The following ABCB10 variants were observed in gnomAD, a reference collection of about 807,000 sequenced individuals.
The protein encoded by ABCB10 is ATP binding cassette subfamily B member 10, also known as ATP-binding cassette sub-family B member 10, mitochondrial.
A neutral mutation model predicts 65.4 loss-of-function variants in ABCB10; 54 were observed. The ratio of observed to expected loss-of-function variants is 0.83; its 90% CI spans 0.66 to 1.04. ABCB10 has a LOEUF of 1.04. Among genes scored for constraint, ABCB10 ranks in the 50% least tolerant of loss-of-function variants. The pLI, the probability that ABCB10 is intolerant of heterozygous loss-of-function variation, is 0.00. For synonymous variants in ABCB10, 418 were observed against 406.5 expected, an observed-to-expected ratio of 1.03 and a Z score of -0.34; for missense variants, 846 against 976.6, an observed-to-expected ratio of 0.87 and a Z score of 1.78.
intron 10 of ABCB10, among the ~76,000 whole-genome samples, chr1:229,523,962 CT>C (rs2102683629): frequency 6.6e-6 from 1 of 151,952 alleles, no homozygotes; most frequent in Non-Finnish European, 1.5e-5. Context: ...TCAAAGACGC[CT>C]TTTCATCTAC....
Position 229,526,071 on chromosome 1 carries a change from C to T in ABCB10, c.1771G>A (p.Gly591Ser), listed in dbSNP as rs749910327. The change falls in exon 10 of 13, where the codon GGT (glycine) becomes AGT (serine). Residue 591 changes from glycine (G) to serine (S), a missense_variant. Gly to Ser is a moderately conservative substitution (Grantham distance 56). Transcript: ENST00000344517. Reference sequence around the variant, plus strand: ...GTCACAGAGGAAGGGTCATCAGCACCATAAGCAATGTTCTCAGCAATAGAG... The same window carrying T: ...GTCACAGAGGAAGGGTCATCAGCACTATAAGCAATGTTCTCAGCAATAGAG... The part of the protein sequence containing the change: ...SCSIAENIAY[G>S]ADDPSSVTAE... 2 of 1,614,190 alleles carry T rather than the reference C, an allele frequency of 1.2e-6. No homozygotes were observed. Among genetic ancestry groups the T allele is most frequent in the South Asian group, 2.2e-5 (2 of 91,072 alleles).
chr1:229,547,734 G>A (rs953110811), intron 2 of ABCB10, 33 bp from the exon 3 acceptor site: 4 of 1,609,456 alleles, frequency 2.5e-6, no homozygotes, highest in Non-Finnish European at 3.4e-6. Context: ...GCTCACCAAG[G>A]GTAAAGACAT....
At chr1:229,553,214 G>A (rs559787492) in intron 1 of ABCB10, among the ~76,000 whole-genome samples, 48 of 152,136 alleles carry the variant, frequency 3.2e-4, no homozygotes, top group African/African-American at 1.1e-3. Context: ...AGGTTCAAGC[G>A]ATTCTCCCGC....
At chr1:229,548,772 C>T (rs1663029062) in intron 2 of ABCB10, among the ~76,000 whole-genome samples, 1 of 151,600 alleles carries the variant, frequency 6.6e-6, no homozygotes, top group East Asian at 1.9e-4. Context: ...AAGCGATTCT[C>T]CTGCCTCAGC....
intron 3 of ABCB10, 72 bp downstream of exon 3, chr1:229,547,427 T>C (rs1662995459): frequency 2.6e-6 from 4 of 1,559,222 alleles, no homozygotes; most frequent in Non-Finnish European, 3.5e-6. Context: ...CTTGAGCTCG[T>C]CTCACACGTG....
rs542845149 is a variant in ABCB10, at chr1:229,541,703, G to A, written c.1056+534C>T. On this transcript the variant is annotated intron_variant, in intron 4 of 12. Coordinates refer to ENST00000344517, the MANE Select transcript of ABCB10 (RefSeq NM_012089.3). ...GCCTGTAATCCCAGCACTCCGGGACGCCAAGGTGGGAGGATTACTTGAGCC... is the reference window on the plus strand; with the variant it reads ...GCCTGTAATCCCAGCACTCCGGGACACCAAGGTGGGAGGATTACTTGAGCC... Among the ~76,000 whole-genome samples, 183 of 152,132 alleles carry A rather than the reference G, an allele frequency of 1.2e-3. 1 individual carries two copies. The highest frequency in any genetic ancestry group is 4.1e-3 in the African/African-American group (172 of 41,510).
At chr1:229,551,590 T>C (rs1663118258) in intron 1 of ABCB10, among the ~76,000 whole-genome samples, 1 of 152,240 alleles carries the variant, frequency 6.6e-6, no homozygotes, top group Admixed American at 6.5e-5. Flanking sequence ...AAAGTCCATA[T>C]GCCTGGCTTA....
At chr1:229,534,893 G>C (rs1417319752) in intron 6 of ABCB10, among the ~76,000 whole-genome samples, 1 of 102,002 alleles carries the variant, frequency 9.8e-6, no homozygotes, top group Non-Finnish European at 2.1e-5. Flanking sequence ...AAAAAAAAAA[G>C]GCCAAGCATG....
At chr1:229,526,168 G>T (rs1451549919) in intron 9 of ABCB10, 52 bp from the exon 10 acceptor site, 2 of 1,540,362 alleles carry the variant, frequency 1.3e-6, no homozygotes, top group Non-Finnish European at 1.8e-6. Flanking sequence ...CTTAAAACAT[G>T]TCTAATAAAT....
chr1:229,535,322 G>A (rs10799538), intron 6 of ABCB10: 1 of 152,112 alleles, frequency 6.6e-6, no homozygotes, highest in Non-Finnish European at 1.5e-5. Flanking sequence ...CCAAAACTTA[G>A]AAGCAGCCAA....
chr1:229,558,292 C>A lies in ABCB10; in HGVS notation c.361G>T (p.Gly121Cys). The A allele has an allele frequency of 4.9e-6, 6 of 1,232,304 alleles. No individual in the cohort carries two copies. The highest frequency in any genetic ancestry group is 6.1e-6 in the Non-Finnish European group (6 of 989,796). 76.3% of individuals were successfully genotyped at this position (1,232,304 alleles called of 1,614,324 possible). ...CCTGCCCAGGCAGCGGCTGCGGGACCGCCCGGGAACCGGGCGCGCGGGAGC... is the reference window on the plus strand; with the variant it reads ...CCTGCCCAGGCAGCGGCTGCGGGACAGCCCGGGAACCGGGCGCGCGGGAGC... ...PRLPRARFPG[G>C]PAAAAWAGDE... The change falls in exon 1 of 13, where the codon GGT becomes TGT. Residue 121 changes from glycine to cysteine, a missense_variant. Physicochemically the swap from Gly to Cys is radical, Grantham distance 159 (BLOSUM62 -3). Transcript: ENST00000344517.
At chr1:229,525,884 G>A (rs1662427509) in intron 10 of ABCB10, 52 bp downstream of exon 10, 1 of 1,538,790 alleles carries the variant, frequency 6.5e-7, no homozygotes, top group African/African-American at 1.4e-5. Context: ...AGAAACATGT[G>A]AAAAGTTCTT....
rs1448267973 is a variant in ABCB10, at chr1:229,549,437, A to G, written c.518-3T>C. ...CATCGTGAGAAATCCAACCGCAGCT[A>G]GAAAACACAAGCACTCTCAATGTTC... On this transcript the variant is annotated splice_region_variant and splice_polypyrimidine_tract_variant and intron_variant, in intron 1 of 12. Coordinates refer to ENST00000344517, the MANE Select transcript of ABCB10 (RefSeq NM_012089.3). The G allele has an allele frequency of 1.2e-6, 2 of 1,612,324 alleles. No individual in the cohort carries two copies. Among genetic ancestry groups the G allele is most frequent in the Non-Finnish European group, 1.7e-6 (2 of 1,179,028 alleles).
intron 1 of ABCB10, among the ~76,000 whole-genome samples, chr1:229,556,174 G>A (rs375837985): frequency 8.5e-5 from 13 of 152,198 alleles, no homozygotes; most frequent in East Asian, 5.8e-4. Flanking sequence ...TCGGGAGTTC[G>A]AGACCACCCT....
chr1:229,519,703 C>T (rs1286417400), intron 11 of ABCB10, among the ~76,000 whole-genome samples: 1 of 152,156 alleles, frequency 6.6e-6, no homozygotes, highest in Non-Finnish European at 1.5e-5. Flanking sequence ...GCAGGAGAAT[C>T]GCTTGAACTC....
chr1:229,527,325 G>T lies in ABCB10; in HGVS notation c.1646-17C>A. On this transcript the variant is annotated splice_polypyrimidine_tract_variant and intron_variant, in intron 8 of 12. Transcript: ENST00000344517. ...TAATAGTTCCTTGTTGAGAGGAAAG[G>T]AAAGGAAAGAGTCACTGAGTGTGAT... 1 of 1,607,832 alleles carries T rather than the reference G, an allele frequency of 6.2e-7. No homozygotes were observed.
chr1:229,529,108 G>A (rs959193492), intron 8 of ABCB10, among the ~76,000 whole-genome samples: 8 of 150,380 alleles, frequency 5.3e-5, no homozygotes, highest in South Asian at 2.1e-4. Context: ...TGGCTAACAC[G>A]GTGAAACCCC....
chr1:229,557,324 A>G (rs1663274515), intron 1 of ABCB10, among the ~76,000 whole-genome samples: 1 of 152,212 alleles, frequency 6.6e-6, no homozygotes, highest in Admixed American at 6.5e-5. Context: ...CTAACCTAGA[A>G]GCCCCAGCAG....
chr1:229,541,073 T>A (rs1662832009), intron 4 of ABCB10, among the ~76,000 whole-genome samples: 1 of 152,224 alleles, frequency 6.6e-6, no homozygotes, highest in African/African-American at 2.4e-5. Flanking sequence ...AATGCATTTT[T>A]ATGCAGAGAA....
Sources: allele counts gnomAD v4.1 joint callset (sites outside exome capture counted in the v4.1 genomes callset), GRCh38; gene constraint gnomAD v4.1.1; transcripts MANE v1.5; gene names NCBI Gene and HGNC (gene_info 2026-07-23, HGNC 2026-07-21).